Variants in RBFOX3 observed in about 807,000 individuals in gnomAD.
RBFOX3 encodes the protein RNA binding fox-1 homolog 3, also known as RNA binding protein fox-1 homolog 3.
RBFOX3 carries 17 observed loss-of-function variants against 48.7 expected under a neutral mutation model. The ratio of observed to expected loss-of-function variants is 0.35; its 90% confidence interval spans 0.24 to 0.52. The LOEUF is 0.52. Ranked by LOEUF, RBFOX3 falls within the 20% of genes least tolerant of loss-of-function variation. The pLI is 0.94. For synonymous variants in RBFOX3, 212 were observed against 209.5 expected (o/e 1.01, Z -0.10); for missense variants, 382 against 497.5 (o/e 0.77, Z 2.21).
chr17:79,496,299 C>G (rs1200332588), intron 1 of RBFOX3, among the ~76,000 whole-genome samples: 17 of 152,166 alleles, frequency 1.1e-4, no homozygotes, highest in African/African-American at 4.1e-4. Flanking sequence ...AAAGGCCCCC[C>G]ACCTGGCCCT....
chr17:79,603,392 C>G (rs2093754035), intron 1 of RBFOX3, among the ~76,000 whole-genome samples: 1 of 152,204 alleles, frequency 6.6e-6, no homozygotes, highest in South Asian at 2.1e-4. Context: ...CTGTTATCCC[C>G]TGGATGGCCT....
chr17:79,478,258 G>T (rs1598871588), intron 2 of RBFOX3, among the ~76,000 whole-genome samples: 1 of 152,234 alleles, frequency 6.6e-6, no homozygotes, highest in East Asian at 1.9e-4. Flanking sequence ...ATTTGGAGAT[G>T]ATTTATGGGA....
the RBFOX3 span, among the ~76,000 whole-genome samples, chr17:79,618,929 G>A: frequency 4.6e-4 from 70 of 152,230 alleles, 1 homozygote; most frequent in Admixed American, 4.5e-3. Flanking sequence ...AAATGGAACT[G>A]GGAGATCACA....
chr17:79,265,843 G>A (rs1036611579), intron 3 of RBFOX3, among the ~76,000 whole-genome samples: 2 of 152,156 alleles, frequency 1.3e-5, no homozygotes, highest in Admixed American at 6.5e-5. Flanking sequence ...CGTGTCTACC[G>A]CCAGCTCCAG....
chr17:79,605,029 G>A lies in RBFOX3; in HGVS notation c.-320+5797C>T, dbSNP rs969471196. Among the ~76,000 whole-genome samples the A allele has an allele frequency of 1.3e-3, 197 of 152,314 alleles. No homozygotes were observed. In the East Asian group the frequency reaches 0.027, roughly 21 times the overall value. On this transcript the variant is annotated intron_variant, in intron 1 of 14. Coordinates refer to ENST00000693108, the MANE Select transcript of RBFOX3 (RefSeq NM_001350451.2). ...TCCCTGGGTCTCACCTGGTGTCATA[G>A]ACAAGGAGACGTGGATGAGAAGGAC...
chr17:79,609,924 C>T (rs1038344106), intron 1 of RBFOX3, among the ~76,000 whole-genome samples: 4,429 of 151,952 alleles, frequency 0.029, 235 homozygotes, highest in East Asian at 0.26. Flanking sequence ...CACCACCGCC[C>T]GGGGCCACCA....
intron 2 of RBFOX3, among the ~76,000 whole-genome samples, chr17:79,435,381 C>T (rs2069211903): frequency 6.6e-6 from 1 of 152,220 alleles, no homozygotes; most frequent in Admixed American, 6.5e-5. Context: ...GTGTCCCCCA[C>T]ATGTGGCTGT....
chr17:79,360,022 G>A (rs551035302), intron 2 of RBFOX3, among the ~76,000 whole-genome samples: 8 of 150,494 alleles, frequency 5.3e-5, no homozygotes, highest in East Asian at 2.0e-4. Flanking sequence ...TCCCATGCCC[G>A]GCCTAGGTCA....
chr17:79,448,141 G>A (rs1168906234), intron 2 of RBFOX3, among the ~76,000 whole-genome samples: 1 of 152,140 alleles, frequency 6.6e-6, no homozygotes, highest in African/African-American at 2.4e-5. Flanking sequence ...AAATTACCCA[G>A]TCTCAGGTAG....
chr17:79,615,671 T>G (rs2093990953), upstream of RBFOX3, among the ~76,000 whole-genome samples: 1 of 152,158 alleles, frequency 6.6e-6, no homozygotes, highest in Non-Finnish European at 1.5e-5. Context: ...CACTGCCACC[T>G]GTGTAAGCTG....
intron 3 of RBFOX3, among the ~76,000 whole-genome samples, chr17:79,264,156 G>A (rs2148516214): frequency 6.6e-6 from 1 of 151,290 alleles, no homozygotes; most frequent in South Asian, 2.1e-4. Context: ...GCAGTGGTGC[G>A]ATTTCAGCTC....
In RBFOX3 at chr17:79,354,165, A is replaced by T. The variant is rs570086334; in HGVS notation, c.-174-46341T>A. Among the ~76,000 whole-genome samples the T allele has an allele frequency of 3.3e-5, 5 of 152,266 alleles. No homozygotes were observed. In the East Asian group the frequency reaches 9.7e-4, roughly 29 times the overall value. ...ATGGGTGAACTATACGGACAACGTC[A>T]TTGTCACCCAGAGTCCAGGGCTCAC... On this transcript the variant is annotated intron_variant, in intron 2 of 14. Coordinates refer to ENST00000693108, the MANE Select transcript of RBFOX3 (RefSeq NM_001350451.2).
intron 1 of RBFOX3, among the ~76,000 whole-genome samples, chr17:79,488,196 ACTTGGACTTCAGCATG>A (rs1444594644): frequency 1.3e-5 from 2 of 152,282 alleles, no homozygotes; most frequent in African/African-American, 4.8e-5. Context: ...AGAAGGCCAC[ACTTGGACTTCAGCATG>A]CAAGGACAGG....
intron 1 of RBFOX3, chr17:79,603,762 A>G (rs1257446010): frequency 6.6e-6 from 1 of 152,170 alleles, no homozygotes; most frequent in Non-Finnish European, 1.5e-5. Context: ...CCCACTCACC[A>G]CATCAGCGGC....
rs1204779130 is a variant in RBFOX3, at chr17:79,361,125, A to C, written c.-174-53301T>G. Among the ~76,000 whole-genome samples, 8 of 152,098 alleles carry C rather than the reference A, an allele frequency of 5.3e-5. No homozygotes were observed. Among genetic ancestry groups the C allele is most frequent in the African/African-American group, 1.2e-4 (5 of 41,424 alleles). On this transcript the variant is annotated intron_variant, in intron 2 of 14. Transcript: ENST00000693108. This position sits in a 1 kb window ranked among gnomAD's most constrained non-coding sequence, Gnocchi z 4.5. The stretch of plus-strand genomic sequence containing the variant: ...CAAGAAAGACACACATTTGGCTCCA[A>C]AGGTTTGAAAGAGGGTGACAGACAG...
At position 79,482,458 on chromosome 17, in the gene RBFOX3, T is replaced by G. The variant is rs1432686351; in HGVS notation, c.-179A>C. On this transcript the variant is annotated 5_prime_UTR_variant, in exon 2 of 15. Transcript: ENST00000693108. The surrounding 1 kb of genome is among the most constrained non-coding windows in gnomAD (Gnocchi z 4.1). ...GGACAGGTGGGGCCGCCTTACCTGG[T>G]AGTGGGAGGTGAGGTCTGCTTTGCT... The G allele has an allele frequency of 6.6e-6, 1 of 152,022 alleles. No homozygotes were observed. The highest frequency in any genetic ancestry group is 1.5e-5 in the Non-Finnish European group (1 of 67,984). The allele number at this position is 152,022 out of a possible 1,614,324, so 9.4% of individuals were successfully genotyped here.
chr17:79,403,607 C>G (rs2063105078), intron 2 of RBFOX3, among the ~76,000 whole-genome samples: 1 of 152,154 alleles, frequency 6.6e-6, no homozygotes, highest in Non-Finnish European at 1.5e-5. Context: ...ACGTCCCGGA[C>G]AGCTTCGGTG....
rs139152878 is a variant in RBFOX3 at position 79,212,915 on chromosome 17, C to G, written c.-34+22851G>C. Among the ~76,000 whole-genome samples the G allele has an allele frequency of 6.6e-6, 1 of 152,128 alleles. No homozygotes were observed. On this transcript the variant is annotated intron_variant, in intron 4 of 14. Transcript: ENST00000693108. The surrounding 1 kb of genome is among the most constrained non-coding windows in gnomAD (Gnocchi z 4.7). ...TGTTGCCCAGGCTGGAGTGCAGTGG[C>G]GCAATCTCAGATCACTGCAACCTCC...
chr17:79,189,232 G>T (rs968024026), intron 4 of RBFOX3, among the ~76,000 whole-genome samples: 1 of 152,212 alleles, frequency 6.6e-6, no homozygotes, highest in Admixed American at 6.5e-5. Flanking sequence ...TCACAAGTTA[G>T]GTAGGGAAGG....
Sources: gnomAD v4.1 joint callset for allele counts (sites outside exome capture counted in the v4.1 genomes callset) on GRCh38, gnomAD v4.1.1 for gene constraint, Gnocchi (gnomAD v3.1) non-coding constraint, MANE v1.5 for transcripts, NCBI Gene and HGNC (gene_info 2026-07-23, HGNC 2026-07-21) for gene names.